Variants in GJB7 observed in about 807,000 individuals in gnomAD.
The protein encoded by GJB7 is gap junction beta-7 protein.
For missense variants in GJB7, 253 were observed against 256.8 expected (o/e 0.99, Z 0.10); for synonymous variants, 87 against 95.2 (o/e 0.91, Z 0.50).
rs763723039 is a variant in GJB7, at chr6:87,284,548, T to G, written c.365A>C (p.Tyr122Ser). Residue 122 changes from tyrosine (Y) to serine (S), a missense_variant, in exon 3 of 3, where the codon TAC becomes TCC. Coordinates refer to ENST00000525899, the MANE Select transcript of GJB7 (RefSeq NM_198568.3). Reference sequence around the variant, plus strand: ...AACAATGAGGCTGATAAGATAAGCGTACCATAGGCCCCCATCCATTGTACC... The same window carrying G: ...AACAATGAGGCTGATAAGATAAGCGGACCATAGGCCCCCATCCATTGTACC... ...SPGTMDGGLWYAYLISLIVKT... is the reference protein window; with the variant it reads ...SPGTMDGGLWSAYLISLIVKT... 1 of 1,614,192 alleles carries G rather than the reference T, an allele frequency of 6.2e-7. No individual in the cohort carries two copies.
chr6:87,311,802 T>C (rs1231641212), intron 2 of GJB7, among the ~76,000 whole-genome samples: 2 of 152,202 alleles, frequency 1.3e-5, no homozygotes, highest in Admixed American at 1.3e-4. Context: ...GGCAAGAATT[T>C]CTTGGGGAAT....
chr6:87,303,537 G>A (rs1776370015), intron 2 of GJB7, among the ~76,000 whole-genome samples: 1 of 152,170 alleles, frequency 6.6e-6, no homozygotes, highest in Non-Finnish European at 1.5e-5. Flanking sequence ...CAAGCCCTTA[G>A]AGACCTACAA....
intron 2 of GJB7, among the ~76,000 whole-genome samples, chr6:87,312,710 T>A (rs867197013): frequency 6.6e-6 from 1 of 152,226 alleles, no homozygotes; most frequent in Non-Finnish European, 1.5e-5. Flanking sequence ...CGTTATTACA[T>A]ACCTGCTGCC....
intron 1 of GJB7, among the ~76,000 whole-genome samples, chr6:87,328,074 C>T (rs866251201): frequency 3.3e-5 from 5 of 152,186 alleles, no homozygotes; most frequent in Admixed American, 6.5e-5. Context: ...GCATTCTTCA[C>T]GTAGTTCTTG....
intron 2 of GJB7, among the ~76,000 whole-genome samples, chr6:87,309,946 A>G (rs1157040039): frequency 6.6e-6 from 1 of 152,212 alleles, no homozygotes; most frequent in Non-Finnish European, 1.5e-5. Context: ...AGAGTCAAAC[A>G]TTGGTCATCA....
chr6:87,321,775 C>T (rs1776668025), intron 2 of GJB7, among the ~76,000 whole-genome samples: 1 of 152,090 alleles, frequency 6.6e-6, no homozygotes, highest in Non-Finnish European at 1.5e-5. Context: ...AGGTATGGCT[C>T]CAGAGGCCTC....
chr6:87,327,430 G>A (rs923453483), intron 1 of GJB7, among the ~76,000 whole-genome samples: 6 of 152,170 alleles, frequency 3.9e-5, no homozygotes, highest in African/African-American at 1.2e-4. Flanking sequence ...TCCTTCAGGA[G>A]CTCTTTTAGG....
chr6:87,291,871 A>G (rs1197096469), intron 2 of GJB7: 1 of 152,210 alleles, frequency 6.6e-6, no homozygotes, highest in Non-Finnish European at 1.5e-5. Flanking sequence ...CAAAACTACA[A>G]GAAATGCAAT....
At chr6:87,302,303 C>T (rs1240311174) in intron 2 of GJB7, among the ~76,000 whole-genome samples, 1 of 152,090 alleles carries the variant, frequency 6.6e-6, no homozygotes, top group African/African-American at 2.4e-5. Flanking sequence ...GAATGGCTAA[C>T]TAGAATAACC....
In GJB7 at chr6:87,307,709, T is replaced by TA. The variant is rs577170279; in HGVS notation, c.-28+15156dup. ...TCACACCAGTTAGAATGGCCATCAT[T>TA]AAAAAATCAGGAAACAACAGGTGCT... is the stretch of plus-strand genomic sequence containing the variant. On this transcript the variant is annotated intron_variant, in intron 2 of 2. Transcript: ENST00000525899. Among the ~76,000 whole-genome samples, 520 of 152,216 alleles carry TA rather than the reference T, an allele frequency of 3.4e-3. 3 individuals carry two copies. Among genetic ancestry groups the TA allele is most frequent in the Middle Eastern group, 0.017 (5 of 294 alleles).
At chr6:87,294,751 G>T (rs1776225288) in intron 2 of GJB7, among the ~76,000 whole-genome samples, 1 of 152,240 alleles carries the variant, frequency 6.6e-6, no homozygotes, top group Non-Finnish European at 1.5e-5. Context: ...AAGAAGGATT[G>T]TAGCAACTTG....
chr6:87,288,161 G>T (rs576859597), intron 2 of GJB7, among the ~76,000 whole-genome samples: 2 of 151,970 alleles, frequency 1.3e-5, no homozygotes, highest in African/African-American at 4.8e-5. Context: ...TCAGCCTCCC[G>T]AAGTGCTGGG....
At chr6:87,302,735 C>G (rs1776353569) in intron 2 of GJB7, among the ~76,000 whole-genome samples, 1 of 152,058 alleles carries the variant, frequency 6.6e-6, no homozygotes, top group African/African-American at 2.4e-5. Context: ...GTCAGATTCA[C>G]CAAAGTTGAA....
intron 2 of GJB7, chr6:87,322,549 G>C (rs1433015931): frequency 6.6e-6 from 1 of 152,266 alleles, no homozygotes; most frequent in Non-Finnish European, 1.5e-5. Context: ...CGGGCGGGGC[G>C]CCCTCCGCCG....
intron 2 of GJB7, among the ~76,000 whole-genome samples, chr6:87,306,032 T>A (rs530732466): frequency 0.015 from 2,222 of 151,846 alleles, 56 homozygotes; most frequent in African/African-American, 0.05. Flanking sequence ...CAATTCAAGA[T>A]GGATTAAAGA....
intron 1 of GJB7, among the ~76,000 whole-genome samples, chr6:87,325,146 T>G (rs1016517638): frequency 2.0e-5 from 3 of 152,210 alleles, no homozygotes; most frequent in Non-Finnish European, 4.4e-5. Context: ...AAGTTGCTTA[T>G]CAGCTTAAGG....
Position 87,300,059 on chromosome 6 carries a change from G to A in GJB7, c.-27-15120C>T, listed in dbSNP as rs1420267148. On this transcript the variant is annotated intron_variant, in intron 2 of 2. Transcript: ENST00000525899. ...GCTGTAAGAGCTGCTGTTGAAGAAG[G>A]CATTGCTCTGGGAGGGGGTTGTGCC... 1.8e-5 allele frequency: 6 copies of A among 329,376 alleles called. No individual in the cohort carries two copies. In the East Asian group the frequency reaches 3.5e-4, roughly 19 times the overall value. The allele number at this position is 329,376 out of a possible 1,614,324, so 20.4% of individuals were successfully genotyped here.
chr6:87,304,594 G>T (rs1051354165), intron 2 of GJB7, among the ~76,000 whole-genome samples: 2 of 152,142 alleles, frequency 1.3e-5, no homozygotes, highest in African/African-American at 4.8e-5. Flanking sequence ...TCTACCAGAG[G>T]TACAAGGAGG....
chr6:87,303,200 C>A (rs1182828425), intron 2 of GJB7, among the ~76,000 whole-genome samples: 1 of 152,092 alleles, frequency 6.6e-6, no homozygotes, highest in Non-Finnish European at 1.5e-5. Context: ...TGTAAATGGG[C>A]TAAATGCTCC....
Sources: allele counts gnomAD v4.1 joint callset (sites outside exome capture counted in the v4.1 genomes callset), GRCh38; gene constraint gnomAD v4.1.1; transcripts MANE v1.5; gene names NCBI Gene and HGNC (gene_info 2026-07-23, HGNC 2026-07-21).